Variants in SEC14L1 observed in about 807,000 individuals in gnomAD.
SEC14L1 encodes SEC14 like lipid binding 1, also known as SEC14-like protein 1.
Under a neutral mutation model 85.3 loss-of-function variants are expected in SEC14L1, and 48 were observed. That is an observed-to-expected ratio of 0.56 (90% CI 0.45 to 0.72). The LOEUF (loss-of-function observed/expected upper bound fraction) is 0.72. SEC14L1 is among the 30% of genes least tolerant of loss of function. The probability of loss-of-function intolerance (pLI) is 0.00; values close to 1 mark genes in which losing one functional copy is unlikely to be tolerated. For synonymous variants in SEC14L1, 391 were observed against 355.5 expected, an observed-to-expected ratio of 1.10 and a Z score of -1.12; for missense variants, 682 against 921.4, an observed-to-expected ratio of 0.74 and a Z score of 3.36.
At chr17:77,102,095 C>T (rs1481601009) in intron 3 of SEC14L1, among the ~76,000 whole-genome samples, 2 of 152,136 alleles carry the variant, frequency 1.3e-5, no homozygotes, top group African/African-American at 4.8e-5. Flanking sequence ...AGCCTCGCCA[C>T]AAAAGTAAAA....
chr17:77,181,620 A>G (rs1405380338), intron 3 of SEC14L1, among the ~76,000 whole-genome samples: 1 of 152,166 alleles, frequency 6.6e-6, no homozygotes, highest in Non-Finnish European at 1.5e-5. Context: ...CATGTTGGCC[A>G]GGCTGGTCTC....
chr17:77,151,957 A>G (rs977270454), intron 3 of SEC14L1, among the ~76,000 whole-genome samples: 9 of 152,200 alleles, frequency 5.9e-5, no homozygotes, highest in Non-Finnish European at 5.9e-5. Flanking sequence ...TTCAGTGTAC[A>G]TCTCTAACCT....
chr17:77,133,175 G>A (rs531065699), intron 3 of SEC14L1, among the ~76,000 whole-genome samples: 4 of 152,144 alleles, frequency 2.6e-5, no homozygotes, highest in South Asian at 4.2e-4. Flanking sequence ...ACCTGGCTGC[G>A]GTCCTCTTAT....
intron 10 of SEC14L1, among the ~76,000 whole-genome samples, chr17:77,204,549 T>A (rs1318158959): frequency 3.3e-4 from 42 of 127,780 alleles, no homozygotes; most frequent in African/African-American, 1.0e-3. Context: ...TTTTTTTTTT[T>A]AAAGAGACAT....
intron 5 of SEC14L1, among the ~76,000 whole-genome samples, chr17:77,193,061 C>G (rs1377740881): frequency 1.3e-5 from 2 of 152,180 alleles, no homozygotes; most frequent in Non-Finnish European, 2.9e-5. Flanking sequence ...GGCTGATTGT[C>G]TCCTCTGTTA....
At chr17:77,164,796 G>A (rs1457714404) in intron 3 of SEC14L1, among the ~76,000 whole-genome samples, 1 of 152,170 alleles carries the variant, frequency 6.6e-6, no homozygotes, top group African/African-American at 2.4e-5. Flanking sequence ...CATAGATACT[G>A]GTACAGTGTG....
At chr17:77,092,951 CAAAAAAAAAAAAA>C (rs35244244) in intron 2 of SEC14L1, among the ~76,000 whole-genome samples, 1 of 84,462 alleles carries the variant, frequency 1.2e-5, no homozygotes, top group Admixed American at 1.3e-4. Flanking sequence ...AACTCCGTCT[CAAAAAAAAAAAAA>C]AAAAAAAAAG....
intron 3 of SEC14L1, among the ~76,000 whole-genome samples, chr17:77,167,462 G>T (rs1015382859): frequency 9.2e-5 from 14 of 151,986 alleles, no homozygotes; most frequent in African/African-American, 2.9e-4. Flanking sequence ...AGCACAATAG[G>T]TTTTTACCTT....
intron 3 of SEC14L1, among the ~76,000 whole-genome samples, chr17:77,120,108 C>T (rs531128218): frequency 7.2e-5 from 11 of 152,156 alleles, no homozygotes; most frequent in South Asian, 6.2e-4. Flanking sequence ...TGGTGGTGCA[C>T]GCCTGTAAAT....
rs1251103854 is a variant in SEC14L1 at position 77,216,342 on chromosome 17, TTAG to T, written c.*2323_*2325del. 116 of 1,101,430 alleles carry T rather than the reference TTAG, an allele frequency of 1.1e-4. 1 individual carries two copies. In the African/African-American group the frequency reaches 2.5e-3, roughly 23 times the overall value. 68.2% of individuals were successfully genotyped at this position (1,101,430 alleles called of 1,614,324 possible). A position where few individuals can be genotyped will look rare whatever the true frequency, so the allele number is the denominator to read the frequency against. The stretch of plus-strand genomic sequence containing the variant: ...TAGTAGGTAGGGCTAGTAGGTAGGG[TTAG>T]TAGGTAGGGCTAGTAGGTAGGGCTA... On this transcript the variant is annotated 3_prime_UTR_variant, in exon 17 of 17. Transcript: ENST00000436233.
chr17:77,160,081 G>C (rs1973994981), intron 3 of SEC14L1, among the ~76,000 whole-genome samples: 1 of 152,236 alleles, frequency 6.6e-6, no homozygotes, highest in Non-Finnish European at 1.5e-5. Flanking sequence ...TTAATAAACA[G>C]TGAGTGATCA....
At chr17:77,141,896 A>G in intron 1 of SEC14L1, among the ~76,000 whole-genome samples, 1 of 152,192 alleles carries the variant, frequency 6.6e-6, no homozygotes, top group East Asian at 1.9e-4. Flanking sequence ...TTAAAAGATG[A>G]TTGGATTCCC....
Position 77,206,303 on chromosome 17 carries a change from T to G in SEC14L1, c.1244T>G (p.Leu415Arg). ...HLWRPGVKAL[L>R]RIIEVVEANY... Reference sequence around the variant, plus strand: ...TGGAGACCTGGTGTGAAAGCGCTGCTGCGGATCATCGAGGTGGTGGAGGCC... The same window carrying G: ...TGGAGACCTGGTGTGAAAGCGCTGCGGCGGATCATCGAGGTGGTGGAGGCC... The change falls in exon 12 of 17, where the codon CTG becomes CGG. Residue 415 changes from leucine (L) to arginine (R), a missense_variant. Transcript: ENST00000436233. The surrounding 1 kb of genome is among the most constrained non-coding windows in gnomAD (Gnocchi z 4.3). 6.2e-7 allele frequency: 1 copy of G among 1,614,156 alleles called. No individual in the cohort carries two copies. The highest frequency in any genetic ancestry group is 1.3e-5 in the African/African-American group (1 of 75,044).
intron 7 of SEC14L1, among the ~76,000 whole-genome samples, chr17:77,195,964 C>G (rs1975789951): frequency 6.6e-6 from 1 of 152,062 alleles, no homozygotes; most frequent in Admixed American, 6.6e-5. Context: ...AGAGGTAACT[C>G]AGTGGTAATC....
In SEC14L1 at chr17:77,158,119, A is replaced by G. The variant is rs145777079; in HGVS notation, c.63+14460A>G. On this transcript the variant is annotated intron_variant, in intron 3 of 16. Coordinates refer to ENST00000436233, the MANE Select transcript of SEC14L1 (RefSeq NM_001143998.2). ...TGGCCAGACTGGTCTCGAACTCCTG[A>G]CCTCATGATCCACCCACCTTGGCCT... Among the ~76,000 whole-genome samples the G allele has an allele frequency of 5.8e-3, 878 of 152,264 alleles. 10 individuals carry two copies. Among genetic ancestry groups the G allele is most frequent in the African/African-American group, 0.02 (837 of 41,524 alleles).
intron 8 of SEC14L1, chr17:77,198,862 G>GC (rs1227951606): frequency 6.6e-6 from 1 of 151,558 alleles, no homozygotes; most frequent in African/African-American, 2.4e-5. Flanking sequence ...GTGAGCCACC[G>GC]CGCCCGGCCA....
chr17:77,215,526 G>A lies in SEC14L1; in HGVS notation c.*1503G>A, dbSNP rs12942219. 241,273 of 986,212 alleles carry A rather than the reference G, an allele frequency of 0.24. 30,267 individuals are homozygous for A. Among genetic ancestry groups the A allele is most frequent in the African/African-American group, 0.32 (18,442 of 57,198 alleles). The allele number at this position is 986,212 out of a possible 1,614,324, so 61.1% of individuals were successfully genotyped here. A position where few individuals can be genotyped will look rare whatever the true frequency, so the allele number is the denominator to read the frequency against. On this transcript the variant is annotated 3_prime_UTR_variant, in exon 17 of 17. Coordinates refer to ENST00000436233, the MANE Select transcript of SEC14L1 (RefSeq NM_001143998.2). ...GTGGAGGCCATGTGTGCCCCGTGCA[G>A]GGATCAGGAGGGCGGGGGAGGGACC...
Position 77,206,271 on chromosome 17 carries a change from C to T in SEC14L1, c.1212C>T (p.Arg404=), listed in dbSNP as rs1976458122. The change falls in exon 12 of 17, where the codon CGC becomes CGT. Residue 404 remains arginine (R), a synonymous_variant. Transcript: ENST00000436233. The surrounding 1 kb of genome is among the most constrained non-coding windows in gnomAD (Gnocchi z 4.3). ...CLVDLEGLNM[R]HLWRPGVKAL... ...TGGACTTGGAAGGGCTGAACATGCG[C>T]CACTTGTGGAGACCTGGTGTGAAAG... 1 of 1,614,142 alleles carries T rather than the reference C, an allele frequency of 6.2e-7. No individual in the cohort carries two copies. The highest frequency in any genetic ancestry group is 1.7e-5 in the Admixed American group (1 of 60,018).
At chr17:77,194,611 C>A in intron 6 of SEC14L1, 66 bp from the exon 7 acceptor site, 1 of 1,290,596 alleles carries the variant, frequency 7.7e-7, no homozygotes, top group African/African-American at 1.5e-5. Context: ...AAAGAAAAAT[C>A]TTGGGAGAGA....
Sources: allele counts gnomAD v4.1 joint callset (sites outside exome capture counted in the v4.1 genomes callset), GRCh38; gene constraint gnomAD v4.1.1; non-coding constraint Gnocchi (gnomAD v3.1); transcripts MANE v1.5; gene names NCBI Gene and HGNC (gene_info 2026-07-23, HGNC 2026-07-21).